CNTN6: variants seen among roughly 807,000 people sequenced by gnomAD.
The protein encoded by CNTN6 is contactin 6.
CNTN6 carries 137 observed loss-of-function variants against 122.8 expected under a neutral mutation model. That is an observed-to-expected ratio of 1.12 (90% CI 0.97 to 1.29). CNTN6 has a LOEUF of 1.29. Ranked by LOEUF, CNTN6 falls within the 50% of genes most tolerant of loss-of-function variation. CNTN6 has a pLI of 0.00. For synonymous variants in CNTN6, 570 were observed against 426.0 expected (o/e 1.34, Z -4.16); for missense variants, 1,634 against 1,223.4 (o/e 1.34, Z -5.01).
chr3:1,187,164 T>A (rs1439705193), intron 2 of CNTN6, among the ~76,000 whole-genome samples: 1 of 152,148 alleles, frequency 6.6e-6, no homozygotes, highest in Non-Finnish European at 1.5e-5. Flanking sequence ...CAATGGTCGA[T>A]TTTCCCCTTA....
In CNTN6 at chr3:1,402,436, A is replaced by T. The variant is rs753129521; in HGVS notation, c.2936A>T (p.Asp979Val). The T allele has an allele frequency of 6.2e-7, 1 of 1,612,216 alleles. No individual in the cohort carries two copies. Among genetic ancestry groups the T allele is most frequent in the South Asian group, 1.1e-5 (1 of 90,946 alleles). Residue 979 changes from aspartate to valine, a missense_variant, in exon 22 of 23, where the codon GAT (aspartate) becomes GTT (valine). Asp to Val is a radical substitution (Grantham distance 152, BLOSUM62 -3). Coordinates refer to ENST00000446702, the MANE Select transcript of CNTN6 (RefSeq NM_001289080.2). ...TTAATTGAAATAAGAACAGTCAGTGATGGTGGAGATGGAAGCAGCAGTGAG... is the reference window on the plus strand; with the variant it reads ...TTAATTGAAATAAGAACAGTCAGTGTTGGTGGAGATGGAAGCAGCAGTGAG... ...DYLIEIRTVSDGGDGSSSEEI... is the reference protein window; with the variant it reads ...DYLIEIRTVSVGGDGSSSEEI...
intron 1 of CNTN6, among the ~76,000 whole-genome samples, chr3:1,114,572 G>A (rs1488978289): frequency 2.0e-5 from 3 of 152,114 alleles, no homozygotes; most frequent in Non-Finnish European, 4.4e-5. Context: ...TAGGAACACA[G>A]GGATCTGTCA....
rs1039283077 is a variant in CNTN6 at position 1,095,851 on chromosome 3, T to C, written c.-83+2731T>C. On this transcript the variant is annotated intron_variant, in intron 1 of 22. Coordinates refer to ENST00000446702, the MANE Select transcript of CNTN6 (RefSeq NM_001289080.2). Reference sequence around the variant, plus strand: ...TACATACATTCTGGCTGAATTCCCATGGTCTCAGTTTAAACTTATTTCAAA... The same window carrying C: ...TACATACATTCTGGCTGAATTCCCACGGTCTCAGTTTAAACTTATTTCAAA... Among the ~76,000 whole-genome samples the C allele has an allele frequency of 3.9e-5, 6 of 152,230 alleles. No homozygotes were observed. The East Asian group carries it at 9.6e-4, about 24-fold the overall frequency.
At chr3:1,188,224 G>C (rs539438548) in intron 2 of CNTN6, among the ~76,000 whole-genome samples, 2 of 152,114 alleles carry the variant, frequency 1.3e-5, no homozygotes, top group Non-Finnish European at 2.9e-5. Flanking sequence ...TGCATCCCCA[G>C]AACTGGAGGG....
At chr3:1,302,237 G>C (rs1233972029) in intron 7 of CNTN6, among the ~76,000 whole-genome samples, 2 of 150,558 alleles carry the variant, frequency 1.3e-5, no homozygotes, top group Non-Finnish European at 2.9e-5. Context: ...GCAGCATTTG[G>C]TTTTAGTCAT....
At chr3:1,296,477 T>C (rs1401593867) in intron 6 of CNTN6, among the ~76,000 whole-genome samples, 1 of 152,152 alleles carries the variant, frequency 6.6e-6, no homozygotes, top group Non-Finnish European at 1.5e-5. Context: ...AATTCTCTAG[T>C]TGTTTTTTTA....
At chr3:1,365,187 C>T (rs536262058) in intron 12 of CNTN6, among the ~76,000 whole-genome samples, 14 of 151,960 alleles carry the variant, frequency 9.2e-5, no homozygotes, top group Non-Finnish European at 1.8e-4. Context: ...CAACTCTTAT[C>T]AATCTTGTTT....
At chr3:1,223,941 G>A (rs929442379) in intron 3 of CNTN6, among the ~76,000 whole-genome samples, 3 of 152,030 alleles carry the variant, frequency 2.0e-5, no homozygotes, top group African/African-American at 4.8e-5. Flanking sequence ...TGCACACATC[G>A]TATAATTTGT....
chr3:1,190,851 A>G (rs1016329778), intron 2 of CNTN6, among the ~76,000 whole-genome samples: 10 of 152,164 alleles, frequency 6.6e-5, no homozygotes, highest in African/African-American at 2.4e-4. Flanking sequence ...GTTTTCCCAA[A>G]GCAATTTATT....
Position 1,351,557 on chromosome 3 carries a change from T to G in CNTN6, c.1365-767T>G, listed in dbSNP as rs1358255014. Among the ~76,000 whole-genome samples the G allele has an allele frequency of 5.9e-5, 9 of 151,490 alleles. No homozygotes were observed. The East Asian group carries it at 1.4e-3, about 23-fold the overall frequency. ...TTTCAGGGAACAAATCTCAGGGTTT[T>G]TTTTTTTTTTCTGATTTCAGTGGCA... On this transcript the variant is annotated intron_variant, in intron 11 of 22. Transcript: ENST00000446702.
chr3:1,267,069 C>T (rs1489867422), intron 4 of CNTN6, among the ~76,000 whole-genome samples: 5 of 151,166 alleles, frequency 3.3e-5, no homozygotes, highest in African/African-American at 1.2e-4. Flanking sequence ...GCACACACTG[C>T]CACGCCCCAC....
chr3:1,171,873 C>T (rs186731906), intron 2 of CNTN6, among the ~76,000 whole-genome samples: 1 of 152,286 alleles, frequency 6.6e-6, no homozygotes, highest in East Asian at 1.9e-4. Context: ...TCCCAAAGTG[C>T]TCGCATTACA....
intron 1 of CNTN6, among the ~76,000 whole-genome samples, chr3:1,138,366 A>G (rs1250460013): frequency 6.6e-6 from 1 of 151,606 alleles, no homozygotes; most frequent in East Asian, 1.9e-4. Context: ...TTTTTTTTCC[A>G]AACTTGAATT....
intron 3 of CNTN6, among the ~76,000 whole-genome samples, chr3:1,224,082 G>C (rs1311100697): frequency 6.6e-6 from 1 of 152,176 alleles, no homozygotes; most frequent in Admixed American, 6.5e-5. Flanking sequence ...CACCCAGAGA[G>C]ACTTAAAATT....
intron 4 of CNTN6, among the ~76,000 whole-genome samples, chr3:1,266,856 C>T (rs908152193): frequency 2.0e-5 from 3 of 152,060 alleles, no homozygotes; most frequent in Admixed American, 1.3e-4. Context: ...ACCTTCAGCC[C>T]CCTTTGCTGA....
intron 8 of CNTN6, among the ~76,000 whole-genome samples, chr3:1,324,442 G>C (rs987625632): frequency 1.3e-4 from 19 of 149,652 alleles, no homozygotes; most frequent in Non-Finnish European, 2.2e-4. Flanking sequence ...TGTCTCAGGT[G>C]CAAAACTACC....
At chr3:1,298,105 G>T in intron 7 of CNTN6, 114 bp downstream of exon 7, 1 of 695,260 alleles carries the variant, frequency 1.4e-6, no homozygotes, top group Non-Finnish European at 2.4e-6. Context: ...GATTTCAAAT[G>T]CTGGGCAACA....
intron 4 of CNTN6, among the ~76,000 whole-genome samples, chr3:1,255,809 G>A (rs2094748187): frequency 6.6e-6 from 1 of 151,892 alleles, no homozygotes; most frequent in African/African-American, 2.4e-5. Flanking sequence ...AGTAGTAGCT[G>A]GGTCCACAAG....
chr3:1,260,657 G>T lies in CNTN6; in HGVS notation c.359-17756G>T, dbSNP rs149223486. On this transcript the variant is annotated intron_variant, in intron 4 of 22. Coordinates refer to ENST00000446702, the MANE Select transcript of CNTN6 (RefSeq NM_001289080.2). ...CAGTTCTCATAATCTCCACCTGTTG[G>T]GGGAGGGATCCTGTGGGAGGTAATT... Among the ~76,000 whole-genome samples the T allele has an allele frequency of 3.1e-3, 466 of 152,096 alleles. 2 individuals carry two copies. The highest frequency in any genetic ancestry group is 6.8e-3 in the Middle Eastern group (2 of 294).
Sources: allele counts gnomAD v4.1 joint callset (sites outside exome capture counted in the v4.1 genomes callset), GRCh38; gene constraint gnomAD v4.1.1; transcripts MANE v1.5; gene names NCBI Gene and HGNC (gene_info 2026-07-23, HGNC 2026-07-21).